LOC128462377: variants seen among roughly 807,000 people sequenced by gnomAD.
At chr16:89,325,910 G>C in the LOC128462377 span, among the ~76,000 whole-genome samples, 2 of 152,186 alleles carry the variant, frequency 1.3e-5, no homozygotes, top group African/African-American at 4.8e-5. Flanking sequence ...TCAAGGGCAT[G>C]AGCATGACGA....
At chr16:89,402,658 T>G in the LOC128462377 span, among the ~76,000 whole-genome samples, 2 of 76,832 alleles carry the variant, frequency 2.6e-5, no homozygotes, top group African/African-American at 5.3e-5. Flanking sequence ...CACTGCAGGG[T>G]GAGGTGAAGG....
At chr16:89,341,415 G>T in the LOC128462377 span, among the ~76,000 whole-genome samples, 2 of 152,216 alleles carry the variant, frequency 1.3e-5, no homozygotes, top group Non-Finnish European at 2.9e-5. Flanking sequence ...GCCCCAACGT[G>T]AACAGACCCC....
At chr16:89,355,508 G>A in the LOC128462377 span, among the ~76,000 whole-genome samples, 1 of 152,170 alleles carries the variant, frequency 6.6e-6, no homozygotes, top group Admixed American at 6.5e-5. Flanking sequence ...AGGGGTGAAC[G>A]TGGCCCCATG....
chr16:89,413,587 T>G, the LOC128462377 span, among the ~76,000 whole-genome samples: 3 of 151,978 alleles, frequency 2.0e-5, no homozygotes, highest in African/African-American at 7.3e-5. Context: ...GTCGCACCAC[T>G]GCACTCCAGC....
the LOC128462377 span, among the ~76,000 whole-genome samples, chr16:89,360,223 T>C: frequency 0.025 from 3,791 of 152,316 alleles, 169 homozygotes; most frequent in African/African-American, 0.087. Context: ...CATGTTCCCA[T>C]AAAAGACATG....
the LOC128462377 span, among the ~76,000 whole-genome samples, chr16:89,390,069 C>T: frequency 1.8e-4 from 11 of 60,084 alleles, 2 homozygotes; most frequent in African/African-American, 1.2e-3. Context: ...GGGGCGAACA[C>T]CGAGTGTGGC....
the LOC128462377 span, among the ~76,000 whole-genome samples, chr16:89,375,768 TAAAA>T: frequency 3.5e-5 from 3 of 84,556 alleles, no homozygotes; most frequent in Admixed American, 2.7e-4. Context: ...CTCCGTCTCT[TAAAA>T]AAAAAAAAAA....
At chr16:89,374,086 C>A in the LOC128462377 span, among the ~76,000 whole-genome samples, 1 of 152,200 alleles carries the variant, frequency 6.6e-6, no homozygotes, top group African/African-American at 2.4e-5. Context: ...GGGTGTTAAC[C>A]CGAGACAAAA....
chr16:89,363,803 A>C, the LOC128462377 span, among the ~76,000 whole-genome samples: 3,198 of 152,260 alleles, frequency 0.021, 126 homozygotes, highest in African/African-American at 0.074. Flanking sequence ...TGCCTGGAGC[A>C]CAGCACTTCA....
chr16:89,365,993 G>C, the LOC128462377 span, among the ~76,000 whole-genome samples: 1 of 151,966 alleles, frequency 6.6e-6, no homozygotes, highest in South Asian at 2.1e-4. Flanking sequence ...GGTTTGTTAA[G>C]GATAAGGGCC....
the LOC128462377 span, among the ~76,000 whole-genome samples, chr16:89,414,706 C>T: frequency 6.6e-6 from 1 of 152,290 alleles, no homozygotes; most frequent in African/African-American, 2.4e-5. Context: ...ACAAGGCTGT[C>T]GGGGACCCTA....
chr16:89,389,292 T>C, the LOC128462377 span, among the ~76,000 whole-genome samples: 9 of 152,122 alleles, frequency 5.9e-5, no homozygotes, highest in Admixed American at 5.2e-4. Context: ...CCTACAGTGC[T>C]GGGATTACAG....
the LOC128462377 span, among the ~76,000 whole-genome samples, chr16:89,395,460 G>A: frequency 7.5e-4 from 115 of 152,352 alleles, no homozygotes; most frequent in Admixed American, 1.4e-3. Flanking sequence ...CCACGGCTGG[G>A]ACACGTGCTG....
the LOC128462377 span, among the ~76,000 whole-genome samples, chr16:89,379,779 CA>C: frequency 1.3e-5 from 2 of 152,082 alleles, no homozygotes; most frequent in East Asian, 3.9e-4. Context: ...GTACAACGGG[CA>C]AAGAAGATGT....
At chr16:89,346,131 C>G in the LOC128462377 span, among the ~76,000 whole-genome samples, 1 of 151,744 alleles carries the variant, frequency 6.6e-6, no homozygotes, top group Non-Finnish European at 1.5e-5. Flanking sequence ...CGCTTGTAAT[C>G]CCAGCTACTC....
At chr16:89,327,795 G>GA in the LOC128462377 span, among the ~76,000 whole-genome samples, 2 of 152,098 alleles carry the variant, frequency 1.3e-5, no homozygotes, top group Admixed American at 6.6e-5. Flanking sequence ...CACATTTTAG[G>GA]AAAAAACAGG....
At chr16:89,341,440 C>A in the LOC128462377 span, among the ~76,000 whole-genome samples, 1 of 152,216 alleles carries the variant, frequency 6.6e-6, no homozygotes, top group Non-Finnish European at 1.5e-5. Context: ...AGCAGCTTCC[C>A]AGCCTTCCAG....
chr16:89,401,504 T>A, the LOC128462377 span, among the ~76,000 whole-genome samples: 2 of 152,200 alleles, frequency 1.3e-5, no homozygotes. Context: ...AAAAAGTACA[T>A]GATATATTCA....
chr16:89,322,629 TG>T, the LOC128462377 span, among the ~76,000 whole-genome samples: 2 of 151,426 alleles, frequency 1.3e-5, no homozygotes, highest in Non-Finnish European at 2.9e-5. Context: ...CACTCATGAC[TG>T]ACAGGATCAA....
Sources: allele counts gnomAD v4.1 joint callset (sites outside exome capture counted in the v4.1 genomes callset), GRCh38; gene constraint gnomAD v4.1.1; transcripts MANE v1.5.